GINM1: variants seen among roughly 807,000 people sequenced by gnomAD.
GINM1 encodes glycosylated integral membrane protein 1, also known as glycoprotein integral membrane protein 1.
Under a neutral mutation model 37.8 loss-of-function variants are expected in GINM1, and 29 were observed. That is an observed-to-expected ratio of 0.77 (90% CI 0.57 to 1.05). The LOEUF (loss-of-function observed/expected upper bound fraction) is 1.05, where lower values mean the gene tolerates loss of function less well. Among genes scored for constraint, GINM1 ranks in the 50% least tolerant of loss-of-function variants. The pLI, the probability that GINM1 is intolerant of heterozygous loss-of-function variation, is 0.00. For missense variants in GINM1, 377 were observed against 397.9 expected (o/e 0.95, Z 0.45); for synonymous variants, 143 against 146.2 (o/e 0.98, Z 0.16).
chr6:149,572,453 G>A, intron 2 of GINM1, 54 bp from the exon 3 acceptor site: 2 of 1,294,262 alleles, frequency 1.5e-6, no homozygotes, highest in Non-Finnish European at 2.2e-6. Flanking sequence ...GACTTGAAGA[G>A]TTTGCTATTG....
Position 149,582,567 on chromosome 6 carries a change from C to A in GINM1, c.845C>A (p.Thr282Asn). ...VGITGAAVVI[T>N]ILKVFFPVSE... ...ATTACAGGAGCAGCTGTGGTAATAA[C>A]CATCTTAAAGGTGTTTTTCCCAGTT... Residue 282 changes from threonine (T) to asparagine (N), a missense_variant, in exon 7 of 8, where the codon ACC becomes AAC. Transcript: ENST00000367419. 6.2e-7 allele frequency: 1 copy of A among 1,604,304 alleles called. No individual in the cohort carries two copies. Among genetic ancestry groups the A allele is most frequent in the Non-Finnish European group, 8.5e-7 (1 of 1,177,592 alleles).
chr6:149,581,373 G>A (rs1777996797), intron 6 of GINM1, among the ~76,000 whole-genome samples: 1 of 152,150 alleles, frequency 6.6e-6, no homozygotes, highest in African/African-American at 2.4e-5. Context: ...TGGCCAGGCT[G>A]GTCTCAAACT....
At chr6:149,581,990 C>G (rs1210360257) in intron 6 of GINM1, 1 of 470,450 alleles carries the variant, frequency 2.1e-6, no homozygotes, top group African/African-American at 2.0e-5. Flanking sequence ...GTTTTGTACA[C>G]AGTGAACTTC....
chr6:149,583,876 CTT>C (rs1171219142), intron 7 of GINM1, among the ~76,000 whole-genome samples: 5 of 152,052 alleles, frequency 3.3e-5, no homozygotes, highest in African/African-American at 9.7e-5. Flanking sequence ...GAGAGACTGA[CTT>C]TGACTTCCTT....
chr6:149,568,328 G>A (rs2115053550), intron 1 of GINM1, among the ~76,000 whole-genome samples: 1 of 152,372 alleles, frequency 6.6e-6, no homozygotes, highest in Non-Finnish European at 1.5e-5. Context: ...GTGTCTGTGG[G>A]AAACTGAAGT....
rs935317227 is a variant in GINM1, at chr6:149,591,094, A to G, written c.*256A>G. On this transcript the variant is annotated 3_prime_UTR_variant, in exon 8 of 8. Transcript: ENST00000367419. ...CGGATCACGAGGTCAGATCAAGACC[A>G]TCCTGCCAACATGGTGAAACCCTGT... The G allele has an allele frequency of 5.2e-5, 15 of 290,332 alleles. No homozygotes were observed. Among genetic ancestry groups the G allele is most frequent in the Non-Finnish European group, 9.6e-5 (15 of 156,664 alleles). 18.0% of individuals were successfully genotyped at this position (290,332 alleles called of 1,614,324 possible).
chr6:149,566,526 GC>G lies in GINM1; in HGVS notation c.116del (p.Pro39HisfsTer9). ...CCCCGAGCCGCCGCCGCTGTCCGGA[GC>G]CCCACAGGTAGGGCAGGGCGGGCCT... is the stretch of plus-strand genomic sequence containing the variant. ...GAPEPPPLSG[A>X]PQDGIRINVT... On this transcript the variant is annotated frameshift_variant, in exon 1 of 8. Transcript: ENST00000367419. LOFTEE classifies it high-confidence loss of function. The surrounding 1 kb of genome is among the most constrained non-coding windows in gnomAD (Gnocchi z 4.4). 1 of 1,525,340 alleles carries G rather than the reference GC, an allele frequency of 6.6e-7. No individual in the cohort carries two copies. Among genetic ancestry groups the G allele is most frequent in the Non-Finnish European group, 8.7e-7 (1 of 1,143,998 alleles). 94.5% of individuals were successfully genotyped at this position (1,525,340 alleles called of 1,614,324 possible). A position where few individuals can be genotyped will look rare whatever the true frequency, so the allele number is the denominator to read the frequency against.
At chr6:149,575,481 T>A (rs1256313788) in intron 3 of GINM1, among the ~76,000 whole-genome samples, 1 of 152,238 alleles carries the variant, frequency 6.6e-6, no homozygotes, top group African/African-American at 2.4e-5. Context: ...AGTCGTTGCT[T>A]TCTACTCAGC....
chr6:149,587,447 A>T (rs116074514), intron 7 of GINM1, among the ~76,000 whole-genome samples: 1 of 152,202 alleles, frequency 6.6e-6, no homozygotes. Context: ...CCAGCTGGGT[A>T]TAAAGAGGTT....
chr6:149,580,509 C>G, intron 5 of GINM1, 84 bp from the exon 6 acceptor site: 1 of 1,224,560 alleles, frequency 8.2e-7, no homozygotes, highest in South Asian at 1.5e-5. Flanking sequence ...TTCTTACTAT[C>G]CTAAATGCTA....
chr6:149,581,745 T>C (rs1173829494), intron 6 of GINM1, among the ~76,000 whole-genome samples: 3 of 152,228 alleles, frequency 2.0e-5, no homozygotes, highest in Admixed American at 1.3e-4. Flanking sequence ...AGTAGACTCC[T>C]ACCCAAAATT....
Position 149,580,800 on chromosome 6 carries a change from G to A in GINM1, c.717+77G>A, listed in dbSNP as rs185627357. ...AATCGACCCTAGCATTTAAAATGGA[G>A]TGGAAATCCTGAAGAATGGAACTGT... On this transcript the variant is annotated intron_variant, in intron 6 of 7. Transcript: ENST00000367419. 30 of 1,326,220 alleles carry A rather than the reference G, an allele frequency of 2.3e-5. No homozygotes were observed. In the African/African-American group the frequency reaches 2.8e-4, roughly 12 times the overall value. 82.2% of individuals were successfully genotyped at this position (1,326,220 alleles called of 1,614,324 possible). A position where few individuals can be genotyped will look rare whatever the true frequency, so the allele number is the denominator to read the frequency against.
At chr6:149,589,521 C>T (rs1374526482) in intron 7 of GINM1, among the ~76,000 whole-genome samples, 4 of 151,198 alleles carry the variant, frequency 2.6e-5, no homozygotes, top group Admixed American at 1.3e-4. Flanking sequence ...GATCCACCCA[C>T]CTCAGCCTCC....
At chr6:149,588,142 T>G (rs578111376) in intron 7 of GINM1, among the ~76,000 whole-genome samples, 34 of 152,354 alleles carry the variant, frequency 2.2e-4, no homozygotes, top group Non-Finnish European at 4.6e-4. Context: ...TAGAATAGAT[T>G]CCTAAAAGTA....
intron 7 of GINM1, among the ~76,000 whole-genome samples, chr6:149,590,158 C>T (rs1778132485): frequency 6.6e-6 from 1 of 152,148 alleles, no homozygotes; most frequent in Admixed American, 6.5e-5. Flanking sequence ...TTTGTCTTCT[C>T]CCCATTGTTC....
chr6:149,590,850 A>AT lies in GINM1; in HGVS notation c.*13dup. 1 of 1,284,610 alleles carries AT rather than the reference A, an allele frequency of 7.8e-7. No individual in the cohort carries two copies. The highest frequency in any genetic ancestry group is 1.8e-5 in the Admixed American group (1 of 56,490). 79.6% of individuals were successfully genotyped at this position (1,284,610 alleles called of 1,614,324 possible). A position where few individuals can be genotyped will look rare whatever the true frequency, so the allele number is the denominator to read the frequency against. Reference sequence around the variant, plus strand: ...AAACATGTATTTAAAACGCCATCTCATATCATGGACTCCGAAGTAGCCTGT... The same window carrying AT: ...AAACATGTATTTAAAACGCCATCTCATTATCATGGACTCCGAAGTAGCCTGT... On this transcript the variant is annotated 3_prime_UTR_variant, in exon 8 of 8. Coordinates refer to ENST00000367419, the MANE Select transcript of GINM1 (RefSeq NM_138785.5).
rs192793767 is a variant in GINM1, at chr6:149,574,303, C to T, written c.277+1700C>T. Among the ~76,000 whole-genome samples, 509 of 152,246 alleles carry T rather than the reference C, an allele frequency of 3.3e-3. 4 individuals are homozygous for T. The highest frequency in any genetic ancestry group is 0.02 in the East Asian group (103 of 5,162). On this transcript the variant is annotated intron_variant, in intron 3 of 7. Coordinates refer to ENST00000367419, the MANE Select transcript of GINM1 (RefSeq NM_138785.5). Reference sequence around the variant, plus strand: ...CTGACCTCAGGTGATCCGCCTGCCTCGGCCTCCCAAAGTGCTGGGATTACA... The same window carrying T: ...CTGACCTCAGGTGATCCGCCTGCCTTGGCCTCCCAAAGTGCTGGGATTACA...
intron 7 of GINM1, among the ~76,000 whole-genome samples, chr6:149,587,050 G>A (rs1358473215): frequency 1.3e-5 from 2 of 152,272 alleles, no homozygotes; most frequent in South Asian, 2.1e-4. Context: ...AAAGTTCTGG[G>A]ATTACAGGCA....
rs77590108 is a variant in GINM1 at position 149,586,796 on chromosome 6, G to A, written c.882-3931G>A. On this transcript the variant is annotated intron_variant, in intron 7 of 7. Coordinates refer to ENST00000367419, the MANE Select transcript of GINM1 (RefSeq NM_138785.5). ...GACAAGGTCTCACCTTGACACCCAG[G>A]CTGGAATGCAGTGGCTCAGTCATGG... Among the ~76,000 whole-genome samples, 518 of 151,960 alleles carry A rather than the reference G, an allele frequency of 3.4e-3. 3 individuals carry two copies. Among genetic ancestry groups the A allele is most frequent in the African/African-American group, 0.012 (500 of 41,444 alleles).
Sources: gnomAD v4.1 joint callset for allele counts (sites outside exome capture counted in the v4.1 genomes callset) on GRCh38, gnomAD v4.1.1 for gene constraint, Gnocchi (gnomAD v3.1) non-coding constraint, MANE v1.5 for transcripts, NCBI Gene and HGNC (gene_info 2026-07-23, HGNC 2026-07-21) for gene names.